ANLN: variants seen among roughly 807,000 people sequenced by gnomAD.
ANLN encodes the protein anillin.
Under a neutral mutation model 135.1 loss-of-function variants are expected in ANLN, and 59 were observed. That is an observed-to-expected ratio of 0.44 (90% confidence interval 0.35 to 0.54). The LOEUF (loss-of-function observed/expected upper bound fraction) is 0.54. Among genes scored for constraint, ANLN ranks in the 20% least tolerant of loss-of-function variants. ANLN has a pLI of 0.00. For missense variants in ANLN, 1,182 were observed against 1,340.0 expected (o/e 0.88, Z 1.84); for synonymous variants, 406 against 456.4 (o/e 0.89, Z 1.41).
chr7:36,420,716 G>T lies in ANLN; in HGVS notation c.2135G>T (p.Cys712Phe). The change falls in exon 12 of 24, where the codon TGT (cysteine) becomes TTT (phenylalanine). Residue 712 changes from cysteine (C) to phenylalanine (F), a missense_variant. Cys to Phe is a radical substitution (Grantham distance 205). This residue lies in a region of ANLN where 1,022 missense variants were observed against 1,134.0 expected (regional missense o/e 0.90). Coordinates refer to ENST00000265748, the MANE Select transcript of ANLN (RefSeq NM_018685.5). ...KLDEKNNAFP[C>F]QVNIKQKMQE... The stretch of plus-strand genomic sequence containing the variant: ...GATGAAAAAAATAATGCCTTTCCTT[G>T]TCAAGTTAATATCAAACAGAAAATG... 6.2e-7 allele frequency: 1 copy of T among 1,613,984 alleles called. No homozygotes were observed. Among genetic ancestry groups the T allele is most frequent in the Non-Finnish European group, 8.5e-7 (1 of 1,179,924 alleles).
At chr7:36,402,814 T>TC (rs1043546768) in intron 3 of ANLN, among the ~76,000 whole-genome samples, 1 of 152,148 alleles carries the variant, frequency 6.6e-6, no homozygotes, top group Admixed American at 6.5e-5. Context: ...AAGGAGTCTC[T>TC]CCCTCCTCCA....
chr7:36,413,300 G>A (rs1787503895), intron 7 of ANLN, among the ~76,000 whole-genome samples: 1 of 151,980 alleles, frequency 6.6e-6, no homozygotes. Context: ...CTTCTCTTTA[G>A]AATTCTATCT....
At chr7:36,394,018 C>T (rs762415582) in intron 1 of ANLN, among the ~76,000 whole-genome samples, 6 of 152,078 alleles carry the variant, frequency 3.9e-5, no homozygotes, top group South Asian at 2.1e-4. Flanking sequence ...AGTGCAGTAG[C>T]GATCACAGCT....
At chr7:36,449,471 T>C (rs2043649055) in intron 22 of ANLN, 194 bp from the exon 23 acceptor site, 1 of 450,850 alleles carries the variant, frequency 2.2e-6, no homozygotes, top group Non-Finnish European at 3.9e-6. Flanking sequence ...TTGATATTTT[T>C]GGGTTTTATT....
chr7:36,406,066 C>T (rs1787173685), intron 3 of ANLN, 115 bp from the exon 4 acceptor site: 2 of 934,188 alleles, frequency 2.1e-6, no homozygotes, highest in South Asian at 7.0e-5. Flanking sequence ...GAACTTTTCA[C>T]TGGTTCTTAA....
chr7:36,431,555 GTGTGTT>G (rs1439146378), intron 20 of ANLN, among the ~76,000 whole-genome samples: 7 of 77,950 alleles, frequency 9.0e-5, no homozygotes, highest in Non-Finnish European at 2.0e-4. Context: ...GTATATATGT[GTGTGTT>G]TGTGTGTGTG....
chr7:36,445,277 C>T (rs1420906939), intron 22 of ANLN, among the ~76,000 whole-genome samples: 1 of 144,114 alleles, frequency 6.9e-6, no homozygotes, highest in East Asian at 2.1e-4. Flanking sequence ...TGAGCATTTC[C>T]TTTGAGCATC....
chr7:36,428,869 C>T (rs780323808), intron 20 of ANLN, among the ~76,000 whole-genome samples: 1 of 149,860 alleles, frequency 6.7e-6, no homozygotes, highest in South Asian at 2.1e-4. Flanking sequence ...ACCTCTGCCT[C>T]CTGGGTTCAA....
Position 36,411,125 on chromosome 7 carries a change from A to G in ANLN, c.1354A>G (p.Lys452Glu). ...FDKGNIWSAE[K>E]GGNSKSKQLE... ...CAAGGGCAATATATGGAGTGCAGAA[A>G]AAGGCGGAAACTCAAAAAGCAAACA... Residue 452 changes from lysine to glutamate, a missense_variant, in exon 7 of 24, where the codon AAA becomes GAA. Physicochemically the swap from Lys to Glu is moderately conservative, Grantham distance 56. This residue lies in a region of ANLN where 1,022 missense variants were observed against 1,134.0 expected (regional missense o/e 0.90). Coordinates refer to ENST00000265748, the MANE Select transcript of ANLN (RefSeq NM_018685.5). 2 of 1,609,868 alleles carry G rather than the reference A, an allele frequency of 1.2e-6. No homozygotes were observed. Among genetic ancestry groups the G allele is most frequent in the Non-Finnish European group, 1.7e-6 (2 of 1,179,156 alleles).
At chr7:36,429,899 G>C (rs577389928) in intron 20 of ANLN, among the ~76,000 whole-genome samples, 2 of 152,066 alleles carry the variant, frequency 1.3e-5, no homozygotes, top group Non-Finnish European at 2.9e-5. Flanking sequence ...AACTTAAATA[G>C]CCAACCACAT....
intron 22 of ANLN, 121 bp downstream of exon 22, chr7:36,443,983 C>A: frequency 1.6e-6 from 1 of 631,384 alleles, no homozygotes; most frequent in Non-Finnish European, 2.6e-6. Flanking sequence ...TGTGTACTCA[C>A]TAAGCCATTA....
intron 8 of ANLN, 62 bp from the exon 9 acceptor site, chr7:36,417,018 C>T: frequency 1.1e-6 from 1 of 873,444 alleles, no homozygotes; most frequent in Non-Finnish European, 1.7e-6. Context: ...ACACAAGATT[C>T]CATAATTAGA....
intron 5 of ANLN, among the ~76,000 whole-genome samples, chr7:36,409,706 G>A (rs1428124471): frequency 6.6e-6 from 1 of 151,942 alleles, no homozygotes; most frequent in South Asian, 2.1e-4. Flanking sequence ...GTCTCACTTT[G>A]TCACCCAGGA....
chr7:36,448,982 A>G (rs750320388), intron 22 of ANLN: 1 of 152,212 alleles, frequency 6.6e-6, no homozygotes, highest in Admixed American at 6.5e-5. Flanking sequence ...TCACTCCCTA[A>G]CCAATCAACA....
At chr7:36,413,649 C>T (rs1447112957) in intron 7 of ANLN, among the ~76,000 whole-genome samples, 4 of 152,182 alleles carry the variant, frequency 2.6e-5, no homozygotes, top group South Asian at 2.1e-4. Context: ...TCTCCACAGA[C>T]TAAGCAGCCA....
chr7:36,423,908 C>G lies in ANLN; in HGVS notation c.2568C>G (p.Asn856Lys). ...TAGCAAGTACTTCAAACTCTCTTAA[C>G]GGTGATGCTCTGACATTCACTACTA... ...TPLASTSNSL[N>K]GDALTFTTTF... is the part of the protein sequence containing the mutation. The change falls in exon 15 of 24, where the codon AAC becomes AAG. Residue 856 changes from asparagine (N) to lysine (K), a missense_variant. By Grantham distance (94) the Asn-to-Lys change is moderately conservative. Transcript: ENST00000265748. 6.2e-7 allele frequency: 1 copy of G among 1,612,440 alleles called. No homozygotes were observed. The highest frequency in any genetic ancestry group is 2.2e-5 in the East Asian group (1 of 44,722).
At position 36,436,432 on chromosome 7, in the gene ANLN, G is replaced by C. The variant is rs189455633; in HGVS notation, c.2884-2772G>C. Among the ~76,000 whole-genome samples, 619 of 152,282 alleles carry C rather than the reference G, an allele frequency of 4.1e-3. 4 individuals carry two copies. Among genetic ancestry groups the C allele is most frequent in the African/African-American group, 0.01 (431 of 41,556 alleles). On this transcript the variant is annotated intron_variant, in intron 20 of 23. Coordinates refer to ENST00000265748, the MANE Select transcript of ANLN (RefSeq NM_018685.5). ...GAATAGAGCTGCTTTGAACATGTGT[G>C]TGCATGATTTGAGTACCTGTTTTCA... is the stretch of plus-strand genomic sequence containing the variant.
intron 9 of ANLN, among the ~76,000 whole-genome samples, chr7:36,417,720 C>T (rs1787705471): frequency 6.7e-6 from 1 of 148,638 alleles, no homozygotes; most frequent in Non-Finnish European, 1.5e-5. Context: ...CTCTGTCGCC[C>T]AGACTAGAGT....
At chr7:36,406,898 A>T (rs1209819527) in intron 4 of ANLN, among the ~76,000 whole-genome samples, 1 of 152,152 alleles carries the variant, frequency 6.6e-6, no homozygotes, top group Non-Finnish European at 1.5e-5. Context: ...AAATATATAT[A>T]TGAGAAATTT....
Sources: gnomAD v4.1 joint callset for allele counts (sites outside exome capture counted in the v4.1 genomes callset) on GRCh38, gnomAD v4.1.1 for gene constraint, gnomAD v4.1.1 regional missense constraint, MANE v1.5 for transcripts, NCBI Gene and HGNC (gene_info 2026-07-23, HGNC 2026-07-21) for gene names.